Variants in CADM1 observed in about 807,000 individuals in gnomAD.
The protein encoded by CADM1 is TSLC-1.
Under a neutral mutation model 53.1 loss-of-function variants are expected in CADM1, and 15 were observed. The observed-to-expected ratio is 0.28, with a 90% CI of 0.19 to 0.44. The LOEUF (loss-of-function observed/expected upper bound fraction) is 0.44. Among genes scored for constraint, CADM1 ranks in the 20% least tolerant of loss-of-function variants. The pLI is 1.00. For synonymous variants in CADM1, 281 were observed against 243.0 expected (o/e 1.16, Z -1.45); for missense variants, 434 against 611.3 (o/e 0.71, Z 3.06).
intron 1 of CADM1, among the ~76,000 whole-genome samples, chr11:115,258,886 G>T (rs1942876113): frequency 6.6e-6 from 1 of 152,170 alleles, no homozygotes; most frequent in Non-Finnish European, 1.5e-5. Context: ...ATTTTTAGAT[G>T]ATTGTAGCTC....
At chr11:115,241,469 GGAGA>G (rs970867977) in intron 1 of CADM1, among the ~76,000 whole-genome samples, 2 of 152,154 alleles carry the variant, frequency 1.3e-5, no homozygotes, top group Admixed American at 1.3e-4. Context: ...ATTGGGAAGG[GGAGA>G]GAGAGAGACT....
chr11:115,359,157 G>A (rs1258871269), intron 1 of CADM1, among the ~76,000 whole-genome samples: 1 of 152,094 alleles, frequency 6.6e-6, no homozygotes, highest in Non-Finnish European at 1.5e-5. Flanking sequence ...GTTCCATACA[G>A]GTTCTAGGAT....
chr11:115,174,590 A>G lies in CADM1; in HGVS notation c.*1884T>C. 1.0e-6 allele frequency: 1 copy of G among 984,878 alleles called. No individual in the cohort carries two copies. Among genetic ancestry groups the G allele is most frequent in the Non-Finnish European group, 1.2e-6 (1 of 829,048 alleles). The allele number at this position is 984,878 out of a possible 1,614,324, so 61.0% of individuals were successfully genotyped here. On this transcript the variant is annotated 3_prime_UTR_variant, in exon 12 of 12. Transcript: ENST00000331581. ...CAATGGTTCTATCAAAGGTTAAAAT[A>G]AAGACAAGAAAAATAAACATGTTTT...
At chr11:115,264,771 C>T (rs1943082030) in intron 1 of CADM1, among the ~76,000 whole-genome samples, 1 of 152,298 alleles carries the variant, frequency 6.6e-6, no homozygotes, top group Admixed American at 6.5e-5. Context: ...AGACAATGAA[C>T]GTGCTGTTTG....
chr11:115,373,165 C>A (rs577887943), intron 1 of CADM1, among the ~76,000 whole-genome samples: 5 of 152,292 alleles, frequency 3.3e-5, no homozygotes, highest in African/African-American at 1.2e-4. Flanking sequence ...GCATTTCAAG[C>A]GGTCAAAGAT....
intron 1 of CADM1, among the ~76,000 whole-genome samples, chr11:115,368,825 A>G (rs990533446): frequency 5.9e-5 from 9 of 152,040 alleles, no homozygotes; most frequent in African/African-American, 2.2e-4. Flanking sequence ...ATGCTGTCCA[A>G]CATGATAGCC....
intron 2 of CADM1, among the ~76,000 whole-genome samples, chr11:115,238,863 TATATATATATATGCACAC>T (rs989401665): frequency 9.3e-5 from 14 of 150,152 alleles, no homozygotes; most frequent in Middle Eastern, 3.4e-3. Context: ...TGCGTGTGCA[TATATATATATATGCACAC>T]ATATATATAT....
At chr11:115,473,196 C>G (rs1018816151) in intron 1 of CADM1, among the ~76,000 whole-genome samples, 1 of 152,192 alleles carries the variant, frequency 6.6e-6, no homozygotes, top group African/African-American at 2.4e-5. Context: ...TGATGGCTCA[C>G]GTGTATAATC....
At chr11:115,408,176 A>C (rs1042455897) in intron 1 of CADM1, among the ~76,000 whole-genome samples, 10 of 152,304 alleles carry the variant, frequency 6.6e-5, no homozygotes, top group Admixed American at 2.6e-4. Context: ...CTTAAACAAA[A>C]GCCCCACTCT....
intron 1 of CADM1, among the ~76,000 whole-genome samples, chr11:115,457,537 G>A (rs1042225749): frequency 6.6e-6 from 1 of 152,122 alleles, no homozygotes; most frequent in Non-Finnish European, 1.5e-5. Flanking sequence ...GGGTAGGAGA[G>A]AAAACCCAGA....
chr11:115,246,403 C>T, intron 1 of CADM1, among the ~76,000 whole-genome samples: 1 of 152,140 alleles, frequency 6.6e-6, no homozygotes, highest in East Asian at 1.9e-4. Flanking sequence ...ATAAACTAAA[C>T]CAACTCAACA....
At chr11:115,177,558 G>A (rs936903906) in intron 11 of CADM1, among the ~76,000 whole-genome samples, 7 of 152,018 alleles carry the variant, frequency 4.6e-5, no homozygotes. Context: ...GAGGTCAAAC[G>A]CTTCTCAGTA....
At chr11:115,460,306 G>A (rs143665046) in intron 1 of CADM1, among the ~76,000 whole-genome samples, 96 of 152,272 alleles carry the variant, frequency 6.3e-4, no homozygotes, top group East Asian at 5.2e-3. Context: ...TTCACACAAC[G>A]TGAACAGCTC....
chr11:115,214,522 C>T (rs1941093150), intron 7 of CADM1, 86 bp downstream of exon 7: 1 of 1,396,030 alleles, frequency 7.2e-7, no homozygotes. Context: ...TGATTTTCAA[C>T]TTGACCAAAA....
chr11:115,322,836 TTTGA>T (rs1474358318), intron 1 of CADM1, among the ~76,000 whole-genome samples: 2 of 152,322 alleles, frequency 1.3e-5, no homozygotes, highest in East Asian at 1.9e-4. Flanking sequence ...TTTCCATTTT[TTTGA>T]TTATGAATCA....
At chr11:115,484,405 C>G (rs986768179) in intron 1 of CADM1, among the ~76,000 whole-genome samples, 1 of 152,230 alleles carries the variant, frequency 6.6e-6, no homozygotes, top group South Asian at 2.1e-4. Flanking sequence ...AAAAGCTGCA[C>G]ATGTCCAGAA....
At chr11:115,495,238 G>A (rs138747364) in intron 1 of CADM1, among the ~76,000 whole-genome samples, 100 of 152,224 alleles carry the variant, frequency 6.6e-4, no homozygotes, top group African/African-American at 2.2e-3. Context: ...TTCAAAAGAA[G>A]AAATCAAGGG....
At chr11:115,316,461 T>C (rs939599392) in intron 1 of CADM1, among the ~76,000 whole-genome samples, 3 of 152,216 alleles carry the variant, frequency 2.0e-5, no homozygotes, top group Middle Eastern at 3.4e-3. Context: ...TGGGCTACAG[T>C]GTGTGATAGT....
intron 1 of CADM1, among the ~76,000 whole-genome samples, chr11:115,450,308 G>T (rs894847806): frequency 3.9e-5 from 6 of 152,096 alleles, no homozygotes; most frequent in African/African-American, 1.4e-4. Flanking sequence ...CCAAATCCAA[G>T]TTTCCAGGCC....
Sources: allele counts gnomAD v4.1 joint callset (sites outside exome capture counted in the v4.1 genomes callset), GRCh38; gene constraint gnomAD v4.1.1; transcripts MANE v1.5; gene names NCBI Gene and HGNC (gene_info 2026-07-23, HGNC 2026-07-21).